PHF21B: variants seen among roughly 807,000 people sequenced by gnomAD.
PHF21B encodes the protein PHD finger protein 21B, also known as PHD finger protein 4.
PHF21B carries 22 observed loss-of-function variants against 62.2 expected under a neutral mutation model. The ratio of observed to expected loss-of-function variants is 0.35; its 90% CI spans 0.25 to 0.51. PHF21B has a LOEUF of 0.51. Ranked by LOEUF, PHF21B falls within the 20% of genes least tolerant of loss-of-function variation. The probability of loss-of-function intolerance (pLI) is 0.97; values close to 1 mark genes in which losing one functional copy is unlikely to be tolerated. For synonymous variants in PHF21B, 341 were observed against 314.7 expected, an observed-to-expected ratio of 1.08 and a Z score of -0.88; for missense variants, 701 against 707.9, an observed-to-expected ratio of 0.99 and a Z score of 0.11.
chr22:44,883,357 T>C, intron 12 of PHF21B, 53 bp from the exon 13 acceptor site: 1 of 1,556,162 alleles, frequency 6.4e-7, no homozygotes, highest in Non-Finnish European at 8.7e-7. Context: ...TCTACAGCCA[T>C]CCTGGGGCAG....
intron 2 of PHF21B, 24 bp from the exon 3 acceptor site, chr22:44,920,514 C>T (rs1363202603): frequency 1.3e-6 from 2 of 1,581,322 alleles, no homozygotes; most frequent in African/African-American, 1.4e-5. Flanking sequence ...GAGGGCAACG[C>T]TGAGACAGGA....
intron 2 of PHF21B, among the ~76,000 whole-genome samples, chr22:44,973,708 T>G (rs948208709): frequency 2.0e-5 from 3 of 151,342 alleles, no homozygotes; most frequent in South Asian, 2.1e-4. Flanking sequence ...GAAACACAAC[T>G]AACATATACA....
chr22:44,999,352 A>T (rs2073172544), intron 2 of PHF21B, among the ~76,000 whole-genome samples: 1 of 152,114 alleles, frequency 6.6e-6, no homozygotes, highest in Non-Finnish European at 1.5e-5. Context: ...AGGAGGAGGA[A>T]ACCCCCCAGC....
intron 2 of PHF21B, among the ~76,000 whole-genome samples, chr22:44,971,816 C>T (rs893953588): frequency 3.3e-5 from 5 of 152,242 alleles, no homozygotes; most frequent in Non-Finnish European, 5.9e-5. Flanking sequence ...CTGCGTCTGT[C>T]TCCCAAGCTC....
At chr22:44,923,185 A>G (rs979863768) in intron 2 of PHF21B, among the ~76,000 whole-genome samples, 2 of 152,232 alleles carry the variant, frequency 1.3e-5, no homozygotes, top group Non-Finnish European at 2.9e-5. Context: ...AGACTTACAC[A>G]TACATAGTCC....
intron 2 of PHF21B, among the ~76,000 whole-genome samples, chr22:44,962,716 G>C (rs2072448461): frequency 1.3e-5 from 2 of 152,130 alleles, no homozygotes; most frequent in African/African-American, 4.8e-5. Flanking sequence ...CTTGCTCAGA[G>C]GGAACACCAG....
chr22:44,885,669 C>T lies in PHF21B; in HGVS notation c.1274-140G>A, dbSNP rs574316562. 3.4e-4 allele frequency: 347 copies of T among 1,035,468 alleles called. 2 individuals carry two copies. The Middle Eastern group carries it at 4.1e-3, about 12-fold the overall frequency. 64.1% of individuals were successfully genotyped at this position (1,035,468 alleles called of 1,614,324 possible). On this transcript the variant is annotated intron_variant, in intron 11 of 12. Coordinates refer to ENST00000313237, the MANE Select transcript of PHF21B (RefSeq NM_138415.5). ...AAGCCAGTGGCTGTGGCCAAATGCA[C>T]AGGACCTGGAGCCACTCTCCCCTGG...
At chr22:45,008,657 G>C (rs1307137990) in intron 1 of PHF21B, 47 bp from the exon 2 acceptor site, 11 of 1,523,504 alleles carry the variant, frequency 7.2e-6, no homozygotes, top group Admixed American at 4.0e-5. Flanking sequence ...CCCGGGGTCA[G>C]GTGCACCCCA....
intron 2 of PHF21B, among the ~76,000 whole-genome samples, chr22:44,921,378 T>C (rs1300373516): frequency 6.6e-6 from 1 of 151,964 alleles, no homozygotes; most frequent in Non-Finnish European, 1.5e-5. Flanking sequence ...TTTCTTTTTT[T>C]TTTTCTTGAG....
intron 5 of PHF21B, 109 bp from the exon 6 acceptor site, chr22:44,896,192 T>C (rs2147264461): frequency 8.1e-7 from 1 of 1,235,870 alleles, no homozygotes; most frequent in South Asian, 1.2e-5. Context: ...ATGGGTGCCC[T>C]AACCACAGAG....
At chr22:44,987,374 C>T (rs1311104895) in intron 2 of PHF21B, among the ~76,000 whole-genome samples, 1 of 152,184 alleles carries the variant, frequency 6.6e-6, no homozygotes, top group Non-Finnish European at 1.5e-5. Context: ...AAGGTAACGG[C>T]CAGGCTGAGA....
intron 6 of PHF21B, among the ~76,000 whole-genome samples, chr22:44,895,013 T>C (rs1484444558): frequency 6.6e-6 from 1 of 152,132 alleles, no homozygotes; most frequent in Admixed American, 6.5e-5. Flanking sequence ...ACCGCGGGGG[T>C]TCACTTCATT....
chr22:44,977,262 A>G (rs1387182544), intron 2 of PHF21B, among the ~76,000 whole-genome samples: 4 of 151,974 alleles, frequency 2.6e-5, no homozygotes, highest in African/African-American at 4.8e-5. Flanking sequence ...CCACATATGT[A>G]TATCAAAAAG....
chr22:44,970,032 G>C (rs1385280322), intron 2 of PHF21B, among the ~76,000 whole-genome samples: 1 of 152,228 alleles, frequency 6.6e-6, no homozygotes, highest in Non-Finnish European at 1.5e-5. Flanking sequence ...CAACTCTACA[G>C]GTGGTCAACC....
intron 2 of PHF21B, among the ~76,000 whole-genome samples, chr22:44,929,896 T>C (rs1445142857): frequency 6.6e-6 from 1 of 151,834 alleles, no homozygotes; most frequent in Non-Finnish European, 1.5e-5. Flanking sequence ...AGGTCGAAGA[T>C]GAGGTGAGGC....
intron 2 of PHF21B, among the ~76,000 whole-genome samples, chr22:44,987,261 A>G (rs896881557): frequency 6.6e-6 from 1 of 152,138 alleles, no homozygotes; most frequent in Non-Finnish European, 1.5e-5. Flanking sequence ...AAACATTGGC[A>G]TGGAGGTGAC....
chr22:44,910,079 G>C (rs1164645481), intron 5 of PHF21B, among the ~76,000 whole-genome samples: 1 of 152,206 alleles, frequency 6.6e-6, no homozygotes, highest in Non-Finnish European at 1.5e-5. Context: ...AAGGCATGTT[G>C]AACAACTAAA....
intron 2 of PHF21B, among the ~76,000 whole-genome samples, chr22:44,959,138 C>T (rs1301243078): frequency 6.6e-6 from 1 of 152,200 alleles, no homozygotes; most frequent in Non-Finnish European, 1.5e-5. Context: ...GTTTTGGTCT[C>T]TTCCTTGTTG....
At chr22:44,997,861 C>A (rs142715578) in intron 2 of PHF21B, among the ~76,000 whole-genome samples, 2 of 152,350 alleles carry the variant, frequency 1.3e-5, no homozygotes, top group East Asian at 3.9e-4. Flanking sequence ...CAACAGACCC[C>A]TCTGCTGCCG....
Sources: gnomAD v4.1 joint callset for allele counts (sites outside exome capture counted in the v4.1 genomes callset) on GRCh38, gnomAD v4.1.1 for gene constraint, MANE v1.5 for transcripts, NCBI Gene and HGNC (gene_info 2026-07-23, HGNC 2026-07-21) for gene names.